Variants in PDE4D observed in about 807,000 individuals in gnomAD.
PDE4D encodes the protein 3',5'-cyclic-AMP phosphodiesterase 4D.
A neutral mutation model predicts 87.4 loss-of-function variants in PDE4D; 24 were observed. The ratio of observed to expected loss-of-function variants is 0.27; its 90% CI spans 0.20 to 0.39. The LOEUF (loss-of-function observed/expected upper bound fraction) is 0.39. Among genes scored for constraint, PDE4D ranks in the 10% least tolerant of loss-of-function variants. The pLI, the probability that PDE4D is intolerant of heterozygous loss-of-function variation, is 1.00. For synonymous variants in PDE4D, 384 were observed against 383.2 expected (o/e 1.00, Z -0.02); for missense variants, 714 against 1,041.0 (o/e 0.69, Z 4.32).
At chr5:59,647,237 T>G (rs935658921) in intron 1 of PDE4D, among the ~76,000 whole-genome samples, 2 of 152,128 alleles carry the variant, frequency 1.3e-5, no homozygotes, top group Non-Finnish European at 2.9e-5. Flanking sequence ...TACAATTGTT[T>G]AATAATTTAT....
chr5:59,456,757 T>C (rs1301194318), intron 1 of PDE4D, among the ~76,000 whole-genome samples: 4 of 152,118 alleles, frequency 2.6e-5, no homozygotes, highest in Non-Finnish European at 5.9e-5. Flanking sequence ...AATATCAACA[T>C]TACCAGGAGT....
At chr5:60,063,106 GAAAGA>G (rs1230240707) in intron 2 of PDE4D, among the ~76,000 whole-genome samples, 3 of 77,320 alleles carry the variant, frequency 3.9e-5, no homozygotes, top group Non-Finnish European at 5.5e-5. Flanking sequence ...AAGAAAGAAA[GAAAGA>G]AAGAAAGAAA....
At chr5:59,291,799 C>A (rs1581794785) in intron 1 of PDE4D, among the ~76,000 whole-genome samples, 1 of 135,882 alleles carries the variant, frequency 7.4e-6, no homozygotes, top group Admixed American at 7.7e-5. Context: ...GCAGACTTAA[C>A]TATTTAACCT....
chr5:59,172,321 TATATA>T (rs1783116490), intron 5 of PDE4D, among the ~76,000 whole-genome samples: 1 of 132,380 alleles, frequency 7.6e-6, no homozygotes, highest in Non-Finnish European at 1.6e-5. Context: ...TTTTATAAAA[TATATA>T]ATATATAATA....
chr5:59,765,742 G>A (rs983536145), intron 1 of PDE4D, among the ~76,000 whole-genome samples: 3 of 152,170 alleles, frequency 2.0e-5, no homozygotes, highest in African/African-American at 7.2e-5. Context: ...GCTAGGGCAG[G>A]CTGCCTCCCC....
At chr5:60,216,542 C>T (rs1292642184) in intron 1 of PDE4D, among the ~76,000 whole-genome samples, 1 of 152,014 alleles carries the variant, frequency 6.6e-6, no homozygotes, top group African/African-American at 2.4e-5. Flanking sequence ...ACGCTATCTA[C>T]AAGAAACTCA....
At chr5:60,264,464 TG>T (rs1313291071) in intron 1 of PDE4D, among the ~76,000 whole-genome samples, 1 of 152,198 alleles carries the variant, frequency 6.6e-6, no homozygotes, top group African/African-American at 2.4e-5. Flanking sequence ...ACGCTCTCAT[TG>T]TTGCTGGTAA....
rs184122769 is a variant in PDE4D at position 59,045,978 on chromosome 5, G to C, written c.809-7007C>G. Among the ~76,000 whole-genome samples, 6 of 152,304 alleles carry C rather than the reference G, an allele frequency of 3.9e-5. No individual in the cohort carries two copies. The East Asian group carries it at 1.2e-3, about 29-fold the overall frequency. Reference sequence around the variant, plus strand: ...AGACATATGTTCCCACAATATGTCAGGTATGAACAGAAGGACTGCCCAATG... The same window carrying C: ...AGACATATGTTCCCACAATATGTCACGTATGAACAGAAGGACTGCCCAATG... On this transcript the variant is annotated intron_variant, in intron 5 of 14. Transcript: ENST00000340635.
intron 5 of PDE4D, among the ~76,000 whole-genome samples, chr5:59,043,708 C>T (rs1381211566): frequency 6.6e-6 from 1 of 151,828 alleles, no homozygotes; most frequent in Non-Finnish European, 1.5e-5. Context: ...CTCCCCCTTC[C>T]CCCCACCCCA....
At chr5:60,248,376 G>A (rs1265397935) in intron 1 of PDE4D, among the ~76,000 whole-genome samples, 1 of 152,050 alleles carries the variant, frequency 6.6e-6, no homozygotes, top group Non-Finnish European at 1.5e-5. Context: ...GAAGGTCAGG[G>A]CCAGGCCCAA....
At chr5:59,816,673 C>T (rs1012861064) in intron 1 of PDE4D, among the ~76,000 whole-genome samples, 8 of 152,246 alleles carry the variant, frequency 5.3e-5, no homozygotes, top group South Asian at 2.1e-4. Flanking sequence ...CCCTCACTAC[C>T]GCTATGTACA....
intron 2 of PDE4D, among the ~76,000 whole-genome samples, chr5:59,208,976 A>G (rs1250975413): frequency 2.6e-5 from 4 of 152,198 alleles, no homozygotes; most frequent in Non-Finnish European, 5.9e-5. Context: ...CAATGGAAGA[A>G]AAAGCCTGGT....
chr5:59,299,339 C>T (rs919132475), intron 1 of PDE4D, among the ~76,000 whole-genome samples: 2 of 152,132 alleles, frequency 1.3e-5, no homozygotes, highest in African/African-American at 4.8e-5. Flanking sequence ...CACTGTCTTC[C>T]AGAACCCAAC....
At chr5:60,313,730 A>C (rs1248351804) in intron 1 of PDE4D, among the ~76,000 whole-genome samples, 1 of 152,162 alleles carries the variant, frequency 6.6e-6, no homozygotes, top group Non-Finnish European at 1.5e-5. Flanking sequence ...GGACATCAAA[A>C]AGCTAATTCA....
chr5:59,768,740 T>G (rs986830524), intron 1 of PDE4D: 3 of 1,022,198 alleles, frequency 2.9e-6, no homozygotes, highest in Non-Finnish European at 4.1e-6. Flanking sequence ...CTGCCAAAGA[T>G]CACTGACAAG....
intron 1 of PDE4D, among the ~76,000 whole-genome samples, chr5:60,495,276 A>G (rs548953458): frequency 6.6e-6 from 1 of 152,348 alleles, no homozygotes; most frequent in African/African-American, 2.4e-5. Flanking sequence ...AGGAGTGGAA[A>G]GAAAGCAGAT....
chr5:59,893,786 C>T, upstream of PDE4D: 1 of 1,334,544 alleles, frequency 7.5e-7, no homozygotes, highest in Non-Finnish European at 9.5e-7. Context: ...TCAGGGCTAC[C>T]GAGAGGGGGC....
intron 2 of PDE4D, among the ~76,000 whole-genome samples, chr5:60,038,980 C>T (rs568961981): frequency 3.0e-4 from 46 of 150,982 alleles, no homozygotes; most frequent in Admixed American, 2.7e-3. Flanking sequence ...CACTTTTACA[C>T]TGTTGGTGGG....
chr5:59,199,873 T>C (rs190266975), intron 2 of PDE4D, among the ~76,000 whole-genome samples: 2 of 152,058 alleles, frequency 1.3e-5, no homozygotes, highest in African/African-American at 4.8e-5. Flanking sequence ...CATATATACA[T>C]ACATCTATAT....
Sources: gnomAD v4.1 joint callset for allele counts (sites outside exome capture counted in the v4.1 genomes callset) on GRCh38, gnomAD v4.1.1 for gene constraint, MANE v1.5 for transcripts, NCBI Gene and HGNC (gene_info 2026-07-23, HGNC 2026-07-21) for gene names.